The following MGA variants were observed in gnomAD, a reference collection of about 807,000 sequenced individuals.
The protein encoded by MGA is MAX dimerization protein MGA.
MGA carries 40 observed loss-of-function variants against 261.1 expected under a neutral mutation model. The ratio of observed to expected loss-of-function variants is 0.15; its 90% CI spans 0.12 to 0.20. The LOEUF is 0.20. Ranked by LOEUF, MGA falls within the 10% of genes least tolerant of loss-of-function variation. MGA has a pLI of 1.00. For missense variants in MGA, 3,397 were observed against 3,630.5 expected (o/e 0.94, Z 1.65); for synonymous variants, 1,302 against 1,290.6 (o/e 1.01, Z -0.19).
At chr15:41,713,546 G>A (rs1002757519) in intron 9 of MGA, 50 bp downstream of exon 9, 40 of 1,470,068 alleles carry the variant, frequency 2.7e-5, no homozygotes, top group Non-Finnish European at 3.3e-5. Context: ...TTTTGGAAAA[G>A]TATGGTTATT....
intron 19 of MGA, among the ~76,000 whole-genome samples, chr15:41,758,896 T>C (rs758115880): frequency 4.6e-5 from 7 of 152,182 alleles, no homozygotes. Context: ...GGAAATATTA[T>C]TCACTTTGTA....
At chr15:41,759,023 C>G (rs1438046010) in intron 19 of MGA, among the ~76,000 whole-genome samples, 1 of 151,938 alleles carries the variant, frequency 6.6e-6, no homozygotes, top group African/African-American at 2.4e-5. Flanking sequence ...ATACAAATGA[C>G]AAATTGGGAG....
intron 5 of MGA, among the ~76,000 whole-genome samples, chr15:41,702,359 G>A (rs2059899566): frequency 6.6e-6 from 1 of 151,322 alleles, no homozygotes; most frequent in Non-Finnish European, 1.5e-5. Flanking sequence ...AACAGTTTCT[G>A]AAGAGTAAGT....
At chr15:41,658,967 T>C (rs1035554218), upstream of MGA, among the ~76,000 whole-genome samples, 9 of 152,316 alleles carry the variant, frequency 5.9e-5, no homozygotes, top group Non-Finnish European at 1.3e-4. Context: ...AAAATTTTTA[T>C]GAGGAAACCT....
intron 5 of MGA, among the ~76,000 whole-genome samples, chr15:41,700,432 T>C (rs1370445850): frequency 6.6e-6 from 1 of 152,114 alleles, no homozygotes; most frequent in Non-Finnish European, 1.5e-5. Context: ...TGTGTGATGT[T>C]CCCCTCCTTG....
intron 4 of MGA, 53 bp from the exon 5 acceptor site, chr15:41,699,011 A>G (rs1053023686): frequency 6.4e-7 from 1 of 1,558,008 alleles, no homozygotes; most frequent in African/African-American, 1.4e-5. Context: ...TGCAACATTC[A>G]TTTGTCTGTA....
intron 2 of MGA, among the ~76,000 whole-genome samples, chr15:41,677,111 A>G (rs946792074): frequency 6.6e-6 from 1 of 152,064 alleles, no homozygotes; most frequent in African/African-American, 2.4e-5. Context: ...GATAGCTTCT[A>G]CCTTTTTTCT....
chr15:41,709,049 A>T (rs2060253727), intron 7 of MGA, among the ~76,000 whole-genome samples: 1 of 152,070 alleles, frequency 6.6e-6, no homozygotes, highest in Non-Finnish European at 1.5e-5. Context: ...TGTTTCTTAA[A>T]AACTAAATTT....
Position 41,713,288 on chromosome 15 carries a change from A to G in MGA, c.3222A>G (p.Pro1074=), listed in dbSNP as rs1308255796. 3.1e-6 allele frequency: 5 copies of G among 1,614,046 alleles called. No homozygotes were observed. The highest frequency in any genetic ancestry group is 1.1e-5 in the South Asian group (1 of 91,090). The change falls in exon 9 of 24, where the codon CCA becomes CCG. Residue 1074 remains proline (P), a synonymous_variant. Coordinates refer to ENST00000219905, the MANE Select transcript of MGA (RefSeq NM_001164273.2). The stretch of plus-strand genomic sequence containing the variant: ...GCCAACCTGCTCACTGCCGCCGACC[A>G]GACTGCATGTTTGGTTGTACTTGTT...
intron 1 of MGA, among the ~76,000 whole-genome samples, chr15:41,652,179 T>C (rs1595574222): frequency 1.3e-5 from 2 of 150,450 alleles, no homozygotes; most frequent in East Asian, 4.0e-4. Context: ...TTTCATGTGT[T>C]AGCCAGGATG....
intron 12 of MGA, among the ~76,000 whole-genome samples, chr15:41,735,960 T>C (rs989299350): frequency 3.3e-5 from 5 of 152,186 alleles, no homozygotes; most frequent in African/African-American, 7.2e-5. Context: ...GGGAACTACC[T>C]GTTAGAGCCC....
At chr15:41,745,480 C>T (rs1198671020) in intron 15 of MGA, among the ~76,000 whole-genome samples, 1 of 150,306 alleles carries the variant, frequency 6.7e-6, no homozygotes, top group African/African-American at 2.4e-5. Flanking sequence ...CTAGAAAATA[C>T]TAGAGTAACA....
At chr15:41,730,684 A>G (rs1595893637) in intron 11 of MGA, among the ~76,000 whole-genome samples, 1 of 152,322 alleles carries the variant, frequency 6.6e-6, no homozygotes, top group African/African-American at 2.4e-5. Context: ...ATATGTGCAC[A>G]CAATAAAGAC....
chr15:41,672,469 G>A (rs943344480), intron 2 of MGA, among the ~76,000 whole-genome samples: 1 of 152,082 alleles, frequency 6.6e-6, no homozygotes, highest in African/African-American at 2.4e-5. Flanking sequence ...TTATTTTTTT[G>A]TTATAGAAAG....
intron 5 of MGA, among the ~76,000 whole-genome samples, chr15:41,699,721 T>C (rs1219501346): frequency 1.3e-5 from 2 of 152,126 alleles, no homozygotes; most frequent in Admixed American, 6.5e-5. Flanking sequence ...AGGATGGTCT[T>C]GATCTCCTGA....
chr15:41,713,906 C>G (rs6493009), intron 9 of MGA, among the ~76,000 whole-genome samples: 147,442 of 152,300 alleles, frequency 0.97, 71,562 homozygotes, highest in East Asian at 1. Context: ...AGACCCTCTG[C>G]TCATGGTTGG....
intron 1 of MGA, among the ~76,000 whole-genome samples, chr15:41,639,746 C>T (rs910332731): frequency 6.6e-6 from 1 of 151,880 alleles, no homozygotes; most frequent in African/African-American, 2.4e-5. Flanking sequence ...GACGGGGTTT[C>T]ACCGTGTTAG....
intron 5 of MGA, among the ~76,000 whole-genome samples, chr15:41,703,489 T>G (rs897756850): frequency 6.7e-6 from 1 of 150,268 alleles, no homozygotes; most frequent in African/African-American, 2.4e-5. Flanking sequence ...GAGTGTAGCC[T>G]ATCTATATAA....
intron 1 of MGA, among the ~76,000 whole-genome samples, chr15:41,632,945 T>A (rs180728704): frequency 1.3e-5 from 2 of 152,166 alleles, no homozygotes; most frequent in Admixed American, 6.5e-5. Context: ...AAATTTGAAT[T>A]TCATGTAATT....
Sources: gnomAD v4.1 joint callset for allele counts (sites outside exome capture counted in the v4.1 genomes callset) on GRCh38, gnomAD v4.1.1 for gene constraint, MANE v1.5 for transcripts, NCBI Gene and HGNC (gene_info 2026-07-23, HGNC 2026-07-21) for gene names.